The following MAST4 variants were observed in gnomAD, a reference collection of about 807,000 sequenced individuals.
The protein encoded by MAST4 is microtubule associated serine/threonine kinase family member 4, also known as microtubule-associated serine/threonine-protein kinase 4.
In MAST4, 89 loss-of-function variants were observed where a neutral mutation model predicts 162.7. The ratio of observed to expected loss-of-function variants is 0.55; its 90% CI spans 0.46 to 0.65. The LOEUF is 0.65. Ranked by LOEUF, MAST4 falls within the 30% of genes least tolerant of loss-of-function variation. MAST4 has a pLI of 0.00. For synonymous variants in MAST4, 1,479 were observed against 1,361.1 expected, an observed-to-expected ratio of 1.09 and a Z score of -1.91; for missense variants, 3,153 against 3,374.0, an observed-to-expected ratio of 0.93 and a Z score of 1.62.
chr5:66,903,999 C>G (rs972932203), intron 4 of MAST4, among the ~76,000 whole-genome samples: 1 of 152,232 alleles, frequency 6.6e-6, no homozygotes, highest in African/African-American at 2.4e-5. Flanking sequence ...TGGAACACAT[C>G]AACCTTCTGC....
At chr5:66,742,943 T>G (rs1255973020) in intron 1 of MAST4, among the ~76,000 whole-genome samples, 2 of 152,218 alleles carry the variant, frequency 1.3e-5, no homozygotes, top group African/African-American at 2.4e-5. Context: ...CAAGTAGATT[T>G]GTTTTCTGGG....
intron 1 of MAST4, among the ~76,000 whole-genome samples, chr5:66,644,181 T>C (rs1490247852): frequency 6.6e-6 from 1 of 152,062 alleles, no homozygotes; most frequent in Non-Finnish European, 1.5e-5. Context: ...ACTAGATGTA[T>C]GTATGAACAA....
chr5:67,011,342 C>A (rs1752646980), intron 4 of MAST4, among the ~76,000 whole-genome samples: 1 of 152,160 alleles, frequency 6.6e-6, no homozygotes, highest in South Asian at 2.1e-4. Flanking sequence ...GTCCCTGAGC[C>A]CATTTCCTCC....
intron 3 of MAST4, among the ~76,000 whole-genome samples, chr5:66,800,362 A>G (rs1369087391): frequency 6.6e-6 from 1 of 152,258 alleles, no homozygotes; most frequent in Non-Finnish European, 1.5e-5. Flanking sequence ...TTATGCAGCC[A>G]TAGCAATGAA....
intron 3 of MAST4, among the ~76,000 whole-genome samples, chr5:66,809,816 A>G (rs541890112): frequency 1.3e-4 from 20 of 152,162 alleles, no homozygotes; most frequent in Non-Finnish European, 2.6e-4. Context: ...ACTCACTGCA[A>G]CCTCCAACTC....
rs114485777 is a variant in MAST4, at chr5:66,627,902, T to A, written c.363+30884T>A. On this transcript the variant is annotated intron_variant, in intron 1 of 28. Transcript: ENST00000403625. ...TTGAACAGATTAAGTACCTTTCAGCTCCTCTGGACAAAATGCCATCTGTGT... is the reference window on the plus strand; with the variant it reads ...TTGAACAGATTAAGTACCTTTCAGCACCTCTGGACAAAATGCCATCTGTGT... Among the ~76,000 whole-genome samples the A allele has an allele frequency of 8.0e-3, 1,221 of 152,246 alleles. 16 individuals carry two copies. The highest frequency in any genetic ancestry group is 0.028 in the African/African-American group (1,154 of 41,540).
chr5:67,006,764 A>G (rs926895519), intron 4 of MAST4, among the ~76,000 whole-genome samples: 1 of 152,190 alleles, frequency 6.6e-6, no homozygotes, highest in Non-Finnish European at 1.5e-5. Flanking sequence ...GTACCTGTCC[A>G]GCCTGAACAC....
At chr5:67,113,590 G>A (rs950817776) in intron 11 of MAST4, among the ~76,000 whole-genome samples, 2 of 152,068 alleles carry the variant, frequency 1.3e-5, no homozygotes, top group African/African-American at 2.4e-5. Flanking sequence ...AAATGGTAAC[G>A]TTGAAGTTTT....
At chr5:66,849,718 C>T (rs1046621518) in intron 3 of MAST4, among the ~76,000 whole-genome samples, 2 of 152,154 alleles carry the variant, frequency 1.3e-5, no homozygotes, top group Admixed American at 6.5e-5. Flanking sequence ...GTCTTGCCCC[C>T]GTTACATCCC....
intron 5 of MAST4, among the ~76,000 whole-genome samples, chr5:67,077,237 A>C (rs1313103870): frequency 2.0e-5 from 3 of 152,062 alleles, no homozygotes; most frequent in Non-Finnish European, 4.4e-5. Context: ...CTGAAACTTG[A>C]ATGCACACTG....
chr5:67,045,919 G>A (rs1283688331), intron 4 of MAST4, among the ~76,000 whole-genome samples: 1 of 152,082 alleles, frequency 6.6e-6, no homozygotes. Context: ...TTAAACGATT[G>A]TCCCCCAGGC....
At chr5:67,033,349 T>G (rs1297735337) in intron 4 of MAST4, among the ~76,000 whole-genome samples, 5 of 49,842 alleles carry the variant, frequency 1.0e-4, no homozygotes, top group Admixed American at 5.9e-4. Context: ...GTGTGTGGCT[T>G]TTTTTTTTTC....
intron 1 of MAST4, among the ~76,000 whole-genome samples, chr5:66,693,724 A>T (rs1749208956): frequency 6.6e-6 from 1 of 151,958 alleles, no homozygotes; most frequent in Non-Finnish European, 1.5e-5. Context: ...GACGCTATCA[A>T]ATCTCTTAAG....
chr5:66,609,179 C>T (rs1360767970), intron 1 of MAST4, among the ~76,000 whole-genome samples: 2 of 151,280 alleles, frequency 1.3e-5, no homozygotes, highest in East Asian at 3.9e-4. Context: ...CCACGTGTCA[C>T]AAGTCTATCA....
rs1008899144 is a variant in MAST4, at chr5:67,114,152, G to C, written c.1524G>C (p.Gln508His). The change falls in exon 12 of 29, where the codon CAG becomes CAC. Residue 508 changes from glutamine to histidine, a missense_variant. Physicochemically the swap from Gln to His is conservative, Grantham distance 24. Coordinates refer to ENST00000403625, the MANE Select transcript of MAST4 (RefSeq NM_001164664.2). Reference protein sequence around the residue: ...EAAEGHAKEGQGIKTDIPRYI... With the variant: ...EAAEGHAKEGHGIKTDIPRYI... ...CAGAAGGCCATGCCAAAGAAGGACA[G>C]GGTATTAAAACCGACATTCCCAGGT... The C allele has an allele frequency of 6.2e-7, 1 of 1,613,082 alleles. No individual in the cohort carries two copies. The highest frequency in any genetic ancestry group is 1.7e-5 in the Admixed American group (1 of 59,854).
At chr5:67,162,048 C>A (rs867401171) in intron 27 of MAST4, among the ~76,000 whole-genome samples, 2 of 152,176 alleles carry the variant, frequency 1.3e-5, no homozygotes, top group Non-Finnish European at 2.9e-5. Flanking sequence ...TGATACGATA[C>A]GCTTCAGCTT....
chr5:66,740,308 T>C (rs766354296), intron 1 of MAST4, among the ~76,000 whole-genome samples: 2 of 152,204 alleles, frequency 1.3e-5, no homozygotes, highest in Non-Finnish European at 2.9e-5. Flanking sequence ...GCTCAGAACA[T>C]TGGCTGATGA....
intron 5 of MAST4, among the ~76,000 whole-genome samples, chr5:67,086,244 A>C (rs1288916417): frequency 6.6e-6 from 1 of 152,208 alleles, no homozygotes; most frequent in African/African-American, 2.4e-5. Flanking sequence ...CTATCATTTC[A>C]CAAACAGACA....
At chr5:66,664,521 G>A (rs1345710390) in intron 1 of MAST4, among the ~76,000 whole-genome samples, 2 of 148,686 alleles carry the variant, frequency 1.3e-5, no homozygotes, top group African/African-American at 5.0e-5. Context: ...AGACAGCCAA[G>A]TGTAGCTATC....
Sources: allele counts gnomAD v4.1 joint callset (sites outside exome capture counted in the v4.1 genomes callset), GRCh38; gene constraint gnomAD v4.1.1; transcripts MANE v1.5; gene names NCBI Gene and HGNC (gene_info 2026-07-23, HGNC 2026-07-21).